CHCHD4: variants seen among roughly 807,000 people sequenced by gnomAD.
CHCHD4 encodes the protein coiled-coil-helix-coiled-coil-helix domain containing 4, also known as mitochondrial intermembrane space import and assembly protein 40.
In CHCHD4, 7 loss-of-function variants were observed where a neutral mutation model predicts 12.4. The ratio of observed to expected loss-of-function variants is 0.57; its 90% CI spans 0.32 to 1.06. The LOEUF is 1.06. Ranked by LOEUF, CHCHD4 falls within the 50% of genes least tolerant of loss-of-function variation. The pLI, the probability that CHCHD4 is intolerant of heterozygous loss-of-function variation, is 0.04. For synonymous variants in CHCHD4, 56 were observed against 58.0 expected (o/e 0.97, Z 0.16); for missense variants, 143 against 175.1 (o/e 0.82, Z 1.03).
chr3:14,114,662 A>T (rs908823886), intron 2 of CHCHD4, among the ~76,000 whole-genome samples: 3 of 152,066 alleles, frequency 2.0e-5, no homozygotes, highest in Non-Finnish European at 4.4e-5. Context: ...GTGGTTGATT[A>T]AAAAAAATCA....
rs1323189211 is a variant in CHCHD4, at chr3:14,112,461, C to G, written c.*426G>C. 6.1e-6 allele frequency: 1 copy of G among 163,024 alleles called. No homozygotes were observed. Among genetic ancestry groups the G allele is most frequent in the Non-Finnish European group, 1.3e-5 (1 of 74,720 alleles). The allele number at this position is 163,024 out of a possible 1,614,324, so 10.1% of individuals were successfully genotyped here. A position where few individuals can be genotyped will look rare whatever the true frequency, so the allele number is the denominator to read the frequency against. Reference sequence around the variant, plus strand: ...ATCTGGCCTCTGCTAGTAGATATGGCCCCATCCCAGCATTTTTAAGAGATG... The same window carrying G: ...ATCTGGCCTCTGCTAGTAGATATGGGCCCATCCCAGCATTTTTAAGAGATG... On this transcript the variant is annotated 3_prime_UTR_variant, in exon 3 of 3. Transcript: ENST00000396914.
intron 2 of CHCHD4, among the ~76,000 whole-genome samples, chr3:14,115,359 G>GGGTTTAAAGCTGATTCACTGCTCTTGAA (rs1425128181): frequency 7.3e-6 from 1 of 137,002 alleles, no homozygotes; most frequent in African/African-American, 3.6e-5. Flanking sequence ...TAATAACACT[G>GGGTTTAAAGCTGATTCACTGCTCTTGAA]TGAGGCAAAC....
At chr3:14,114,796 A>G (rs544997734) in intron 2 of CHCHD4, among the ~76,000 whole-genome samples, 5 of 152,130 alleles carry the variant, frequency 3.3e-5, no homozygotes, top group African/African-American at 9.7e-5. Flanking sequence ...TCAGGGACAC[A>G]ATATAAATCC....
intron 2 of CHCHD4, among the ~76,000 whole-genome samples, chr3:14,114,588 C>T (rs1019441005): frequency 2.0e-5 from 3 of 152,122 alleles, no homozygotes; most frequent in Non-Finnish European, 4.4e-5. Context: ...CAAACCTGCA[C>T]AACCAGTTTC....
chr3:14,113,311 C>T, intron 2 of CHCHD4, 117 bp from the exon 3 acceptor site: 1 of 807,086 alleles, frequency 1.2e-6, no homozygotes, highest in Middle Eastern at 3.7e-4. Flanking sequence ...TATGGACCCA[C>T]ACCTCGATTT....
chr3:14,121,884 G>T (rs753561527), intron 1 of CHCHD4: 1 of 1,614,112 alleles, frequency 6.2e-7, no homozygotes, highest in Non-Finnish European at 8.5e-7. Flanking sequence ...GTGTTAAGAA[G>T]AATGCAAGTG....
chr3:14,121,818 C>T (rs1430667910), intron 1 of CHCHD4: 3 of 1,595,402 alleles, frequency 1.9e-6, no homozygotes, highest in East Asian at 4.5e-5. Flanking sequence ...AAAGATACAA[C>T]TCCCCCATAC....
chr3:14,113,826 T>C (rs1473286665), intron 2 of CHCHD4, among the ~76,000 whole-genome samples: 1 of 152,208 alleles, frequency 6.6e-6, no homozygotes, highest in African/African-American at 2.4e-5. Context: ...ACTGCACATA[T>C]GTGTTGGGCA....
At position 14,124,752 on chromosome 3, in the gene CHCHD4, C is replaced by T. The variant is rs1574934429; in HGVS notation, c.-76G>A. 10 of 1,457,720 alleles carry T rather than the reference C, an allele frequency of 6.9e-6. No homozygotes were observed. In the East Asian group the frequency reaches 2.2e-4, roughly 32 times the overall value. 90.3% of individuals were successfully genotyped at this position (1,457,720 alleles called of 1,614,324 possible). ...CACCTTTACGCCGTGACCTCCCTCT[C>T]CTCTGGCAGGGCGGGCTCCTCCGAA... is the stretch of plus-strand genomic sequence containing the variant. On this transcript the variant is annotated 5_prime_UTR_variant, in exon 1 of 3. Coordinates refer to ENST00000396914, the MANE Select transcript of CHCHD4 (RefSeq NM_001098502.2).
intron 2 of CHCHD4, among the ~76,000 whole-genome samples, chr3:14,114,202 G>A (rs1324335412): frequency 6.6e-6 from 1 of 152,184 alleles, no homozygotes; most frequent in East Asian, 1.9e-4. Flanking sequence ...AAGCTCCACT[G>A]ATCAATGGAT....
rs1340588174 is a variant in CHCHD4, at chr3:14,118,971, CCATA to C, written c.23-2451_23-2448del. On this transcript the variant is annotated intron_variant, in intron 1 of 2. Transcript: ENST00000396914. ...AAGTATGAGGCCCTCCTGGGGTTTGCCATACATAGAGAGACCAGGCCTCACCCAA... is the reference window on the plus strand; with the variant it reads ...AAGTATGAGGCCCTCCTGGGGTTTGCCATAGAGAGACCAGGCCTCACCCAA... Among the ~76,000 whole-genome samples the C allele has an allele frequency of 3.3e-5, 5 of 152,302 alleles. No homozygotes were observed. In the East Asian group the frequency reaches 9.6e-4, roughly 29 times the overall value.
At chr3:14,121,943 T>C in intron 1 of CHCHD4, 1 of 1,613,860 alleles carries the variant, frequency 6.2e-7, no homozygotes, top group Non-Finnish European at 8.5e-7. Context: ...TCTGTGGTAG[T>C]ACCTGGTGGT....
rs775178848 is a variant in CHCHD4 at position 14,112,876 on chromosome 3, T to C, written c.*11A>G. On this transcript the variant is annotated 3_prime_UTR_variant, in exon 3 of 3. Coordinates refer to ENST00000396914, the MANE Select transcript of CHCHD4 (RefSeq NM_001098502.2). The stretch of plus-strand genomic sequence containing the variant: ...CCAAAAGGACTGGTGCCCAGTGCCT[T>C]GTGGCCTTCATTAACTTGATCCCTC... 1 of 1,604,816 alleles carries C rather than the reference T, an allele frequency of 6.2e-7. No homozygotes were observed. The highest frequency in any genetic ancestry group is 2.2e-5 in the East Asian group (1 of 44,742).
At chr3:14,121,870 CAG>C (rs760420458) in intron 1 of CHCHD4, 44 of 1,613,962 alleles carry the variant, frequency 2.7e-5, no homozygotes, top group South Asian at 2.2e-4. Context: ...GGCTTTCAGA[CAG>C]AGTGTTAAGA....
At chr3:14,123,985 C>T (rs1273928545) in intron 1 of CHCHD4, among the ~76,000 whole-genome samples, 1 of 152,188 alleles carries the variant, frequency 6.6e-6, no homozygotes, top group Non-Finnish European at 1.5e-5. Context: ...GGTCACAATG[C>T]CCAGGCTCAA....
chr3:14,124,596 C>G, intron 1 of CHCHD4, 59 bp downstream of exon 1: 7 of 1,436,412 alleles, frequency 4.9e-6, no homozygotes, highest in Non-Finnish European at 5.5e-6. Flanking sequence ...GGCGCCGGGG[C>G]CCGCGTGTCT....
At chr3:14,121,186 C>A (rs1694930248) in intron 1 of CHCHD4, among the ~76,000 whole-genome samples, 1 of 152,146 alleles carries the variant, frequency 6.6e-6, no homozygotes, top group African/African-American at 2.4e-5. Context: ...AAGAGACTTT[C>A]CCCCCACCTC....
At chr3:14,118,691 T>A (rs1160948353) in intron 1 of CHCHD4, among the ~76,000 whole-genome samples, 1 of 152,252 alleles carries the variant, frequency 6.6e-6, no homozygotes, top group Non-Finnish European at 1.5e-5. Context: ...TTTTCCCCTG[T>A]GGCTGACTGG....
intron 1 of CHCHD4, among the ~76,000 whole-genome samples, chr3:14,123,837 T>C (rs1694968032): frequency 6.6e-6 from 1 of 152,226 alleles, no homozygotes; most frequent in Non-Finnish European, 1.5e-5. Context: ...CTCCGACCTG[T>C]GGCTCGGGTA....
Sources: allele counts gnomAD v4.1 joint callset (sites outside exome capture counted in the v4.1 genomes callset), GRCh38; gene constraint gnomAD v4.1.1; transcripts MANE v1.5; gene names NCBI Gene and HGNC (gene_info 2026-07-23, HGNC 2026-07-21).